Variants in ABI2 observed in about 807,000 individuals in gnomAD.
ABI2 encodes abelson interactor 2.
In ABI2, 25 loss-of-function variants were observed where a neutral mutation model predicts 59.2. The observed-to-expected ratio is 0.42, with a 90% CI of 0.31 to 0.59. The LOEUF (loss-of-function observed/expected upper bound fraction) is 0.59. Ranked by LOEUF, ABI2 falls within the 20% of genes least tolerant of loss-of-function variation. The pLI is 0.14. For synonymous variants in ABI2, 213 were observed against 235.5 expected (o/e 0.90, Z 0.87); for missense variants, 545 against 681.8 (o/e 0.80, Z 2.23).
chr2:203,328,563 C>G lies in ABI2; in HGVS notation c.49C>G (p.Arg17Gly). The change falls in exon 1 of 12, where the codon CGG (arginine) becomes GGG (glycine). Residue 17 changes from arginine (R) to glycine (G), a missense_variant. Coordinates refer to ENST00000261018, the MANE Select transcript of ABI2 (RefSeq NM_001375670.1). ...LLEEEIPGGR[R>G]ALFDSYTNLE... is the part of the protein sequence containing the mutation. ...GGAAGAGGAAATCCCGGGGGGCCGC[C>G]GGGCCCTCTTCGACAGCTACACAAA... The G allele has an allele frequency of 1.2e-6, 2 of 1,605,790 alleles. No homozygotes were observed. Among genetic ancestry groups the G allele is most frequent in the Non-Finnish European group, 1.7e-6 (2 of 1,176,314 alleles).
At chr2:203,341,853 A>G (rs1441523633) in intron 1 of ABI2, among the ~76,000 whole-genome samples, 1 of 152,234 alleles carries the variant, frequency 6.6e-6, no homozygotes, top group Non-Finnish European at 1.5e-5. Context: ...AATATTCCAC[A>G]TGTGGTTGGT....
At chr2:203,421,854 C>G (rs556470515) in intron 11 of ABI2, among the ~76,000 whole-genome samples, 2 of 151,522 alleles carry the variant, frequency 1.3e-5, no homozygotes, top group Non-Finnish European at 1.5e-5. Flanking sequence ...GTCCCAGCAA[C>G]TCAGGAGGCT....
intron 1 of ABI2, among the ~76,000 whole-genome samples, chr2:203,353,656 C>A (rs1476938434): frequency 6.6e-6 from 1 of 151,948 alleles, no homozygotes; most frequent in Non-Finnish European, 1.5e-5. Context: ...GTGGCTCATT[C>A]CTGTAATGTT....
intron 1 of ABI2, among the ~76,000 whole-genome samples, chr2:203,363,459 T>G (rs1254637333): frequency 1.3e-5 from 2 of 151,904 alleles, no homozygotes; most frequent in African/African-American, 4.8e-5. Context: ...CCATTCTCAC[T>G]TTCCCCCTAC....
chr2:203,377,913 T>C (rs2095818964), intron 2 of ABI2, among the ~76,000 whole-genome samples: 1 of 152,160 alleles, frequency 6.6e-6, no homozygotes, highest in South Asian at 2.1e-4. Context: ...CTCATAAAAA[T>C]AAAATTTAAT....
chr2:203,361,528 G>T (rs1389258670), intron 1 of ABI2, among the ~76,000 whole-genome samples: 3 of 152,048 alleles, frequency 2.0e-5, no homozygotes, highest in African/African-American at 4.8e-5. Flanking sequence ...CTTGGCAGGG[G>T]ACAGTTTGCT....
At position 203,430,120 on chromosome 2, in the gene ABI2, TTTTAA is replaced by T. The variant is rs1297617593; in HGVS notation, c.*2770_*2774del. 4 of 152,224 alleles carry T rather than the reference TTTTAA, an allele frequency of 2.6e-5. No individual in the cohort carries two copies. Among genetic ancestry groups the T allele is most frequent in the Non-Finnish European group, 4.4e-5 (3 of 68,028 alleles). The allele number at this position is 152,224 out of a possible 1,614,324, so 9.4% of individuals were successfully genotyped here. A position where few individuals can be genotyped will look rare whatever the true frequency, so the allele number is the denominator to read the frequency against. ...GGTCAGGCACACAGTAATTGGAGAC[TTTTAA>T]TGTATGTAATATTTCATAGATTGCA... On this transcript the variant is annotated 3_prime_UTR_variant, in exon 12 of 12. Transcript: ENST00000261018.
At chr2:203,342,302 T>C in intron 1 of ABI2, 1 of 440,186 alleles carries the variant, frequency 2.3e-6, no homozygotes, top group Non-Finnish European at 4.5e-6. Context: ...GTTGTAAATT[T>C]TGAATTAATG....
At chr2:203,422,606 G>A (rs2098265010) in intron 11 of ABI2, among the ~76,000 whole-genome samples, 1 of 152,182 alleles carries the variant, frequency 6.6e-6, no homozygotes, top group African/African-American at 2.4e-5. Context: ...GGAGGAAAAT[G>A]TCAAGAAGCA....
At chr2:203,344,544 T>C (rs2082011217) in intron 1 of ABI2, among the ~76,000 whole-genome samples, 1 of 106,818 alleles carries the variant, frequency 9.4e-6, no homozygotes, top group Non-Finnish European at 1.8e-5. Context: ...TTTTGCTTTG[T>C]TGTTGTTGTT....
intron 10 of ABI2, among the ~76,000 whole-genome samples, chr2:203,414,337 A>G (rs1399328445): frequency 6.6e-6 from 1 of 151,992 alleles, no homozygotes; most frequent in East Asian, 1.9e-4. Context: ...CCTGAGCTCA[A>G]ATGATCCTCC....
intron 4 of ABI2, among the ~76,000 whole-genome samples, chr2:203,388,758 T>TG (rs2096630153): frequency 6.6e-6 from 1 of 151,990 alleles, no homozygotes; most frequent in African/African-American, 2.4e-5. Context: ...TTTTTTTTGG[T>TG]GGGGGGCGGG....
At chr2:203,377,175 C>T (rs1342398809) in intron 2 of ABI2, among the ~76,000 whole-genome samples, 5 of 152,162 alleles carry the variant, frequency 3.3e-5, no homozygotes, top group Admixed American at 6.5e-5. Context: ...ATTAGCTGGG[C>T]ATGGTGGTAC....
intron 8 of ABI2, among the ~76,000 whole-genome samples, chr2:203,397,343 A>G (rs2097044873): frequency 6.6e-6 from 1 of 152,362 alleles, no homozygotes; most frequent in South Asian, 2.1e-4. Flanking sequence ...GGTATATTTT[A>G]TAGGAAATAT....
chr2:203,391,097 A>G lies in ABI2; in HGVS notation c.532A>G (p.Thr178Ala). ...MGGLPRTTPP[T>A]QKPPSPPMSG... Reference sequence around the variant, plus strand: ...TGGGCTGCCGCGTACAACACCTCCAACTCAGAAGCCCCCTAGTCCCCCTAT... The same window carrying G: ...TGGGCTGCCGCGTACAACACCTCCAGCTCAGAAGCCCCCTAGTCCCCCTAT... Residue 178 changes from threonine (T) to alanine (A), a missense_variant, in exon 5 of 12, where the codon ACT becomes GCT. By Grantham distance (58) the Thr-to-Ala change is moderately conservative. Transcript: ENST00000261018. 6.2e-7 allele frequency: 1 copy of G among 1,613,958 alleles called. No individual in the cohort carries two copies. The highest frequency in any genetic ancestry group is 8.5e-7 in the Non-Finnish European group (1 of 1,179,948).
chr2:203,398,696 C>A (rs1355366449), intron 8 of ABI2, among the ~76,000 whole-genome samples: 1 of 152,276 alleles, frequency 6.6e-6, no homozygotes, highest in East Asian at 1.9e-4. Context: ...TCCATGCCCC[C>A]TTTATAGTCA....
At chr2:203,343,566 A>G (rs2081363553) in intron 1 of ABI2, among the ~76,000 whole-genome samples, 1 of 152,102 alleles carries the variant, frequency 6.6e-6, no homozygotes, top group Non-Finnish European at 1.5e-5. Context: ...GACCTCAAAG[A>G]CATCCTCCTG....
At position 203,429,753 on chromosome 2, in the gene ABI2, CAAAAAAAA is replaced by C. The variant is rs71408936; in HGVS notation, c.*2411_*2418del. 7.7e-6 allele frequency: 1 copy of C among 130,368 alleles called. No individual in the cohort carries two copies. The highest frequency in any genetic ancestry group is 1.6e-5 in the Non-Finnish European group (1 of 63,034). 8.1% of individuals were successfully genotyped at this position (130,368 alleles called of 1,614,324 possible). A position where few individuals can be genotyped will look rare whatever the true frequency, so the allele number is the denominator to read the frequency against. On this transcript the variant is annotated 3_prime_UTR_variant, in exon 12 of 12. Coordinates refer to ENST00000261018, the MANE Select transcript of ABI2 (RefSeq NM_001375670.1). Reference sequence around the variant, plus strand: ...GCCTGGTGACAGAGCGAGACTCCATCAAAAAAAAAAAAAAAAAGTTCCCACAGCTCACC... The same window carrying C: ...GCCTGGTGACAGAGCGAGACTCCATCAAAAAAAAAGTTCCCACAGCTCACC...
chr2:203,409,085 G>A (rs376295031), intron 9 of ABI2, among the ~76,000 whole-genome samples: 15 of 151,158 alleles, frequency 9.9e-5, no homozygotes, highest in African/African-American at 2.9e-4. Context: ...TGATCCACCC[G>A]CCTCGGCCTC....
Sources: allele counts gnomAD v4.1 joint callset (sites outside exome capture counted in the v4.1 genomes callset), GRCh38; gene constraint gnomAD v4.1.1; transcripts MANE v1.5; gene names NCBI Gene and HGNC (gene_info 2026-07-23, HGNC 2026-07-21).